The following PPP1R7 variants were observed in gnomAD, a reference collection of about 807,000 sequenced individuals.
PPP1R7 encodes protein phosphatase 1 regulatory subunit 7.
PPP1R7 carries 18 observed loss-of-function variants against 45.2 expected under a neutral mutation model. The ratio of observed to expected loss-of-function variants is 0.40; its 90% confidence interval spans 0.28 to 0.59. PPP1R7 has a LOEUF of 0.59. Ranked by LOEUF, PPP1R7 falls within the 20% of genes least tolerant of loss-of-function variation. PPP1R7 has a pLI of 0.46. For synonymous variants in PPP1R7, 181 were observed against 183.4 expected (o/e 0.99, Z 0.11); for missense variants, 314 against 455.8 (o/e 0.69, Z 2.83).
At chr2:241,168,828 G>A (rs1364167750) in intron 8 of PPP1R7, among the ~76,000 whole-genome samples, 1 of 152,178 alleles carries the variant, frequency 6.6e-6, no homozygotes, top group Non-Finnish European at 1.5e-5. Flanking sequence ...ACATTTCAGG[G>A]GAGATGGGGG....
intron 9 of PPP1R7, among the ~76,000 whole-genome samples, 176 bp downstream of exon 9, chr2:241,170,043 C>G (rs1172640632): frequency 6.6e-6 from 1 of 152,178 alleles, no homozygotes; most frequent in East Asian, 1.9e-4. Flanking sequence ...TGTCTGTGCT[C>G]CTCAGCGTGA....
At chr2:241,151,330 AGTCACTGCCTTAT>A (rs2067296244) in intron 1 of PPP1R7, 1 of 405,654 alleles carries the variant, frequency 2.5e-6, no homozygotes, top group Non-Finnish European at 5.2e-6. Flanking sequence ...CCAGAAGAGC[AGTCACTGCCTTAT>A]GTGAAAGGGG....
Position 241,150,526 on chromosome 2 carries a change from C to A in PPP1R7, c.31C>A (p.Gln11Lys). 6.3e-7 allele frequency: 1 copy of A among 1,598,900 alleles called. No homozygotes were observed. Among genetic ancestry groups the A allele is most frequent in the Non-Finnish European group, 8.5e-7 (1 of 1,174,156 alleles). The change falls in exon 1 of 10, where the codon CAG becomes AAG. Residue 11 changes from glutamine (Q) to lysine (K), a missense_variant. Gln to Lys is a moderately conservative substitution (Grantham distance 53, BLOSUM62 1). Transcript: ENST00000234038. MAAERGAGQQ[Q>K]SQEMMEVDRR... ...GGCGGAACGCGGCGCGGGGCAGCAA[C>A]AGTCGCAGGAGATGATGGAGGGTGA...
intron 7 of PPP1R7, among the ~76,000 whole-genome samples, chr2:241,165,819 G>A (rs2067692965): frequency 1.3e-5 from 2 of 148,946 alleles, no homozygotes. Context: ...GGATGGTCTC[G>A]ATCTCATAAC....
chr2:241,158,500 A>G lies in PPP1R7; in HGVS notation c.254A>G (p.His85Arg), dbSNP rs1455430667. ...DRDAEDVDLN[H>R]YRIGKIEGFE... ...TTGTTTCAGGATGTTGATTTGAATC[A>G]CTATCGCATAGGGAAGATTGAAGGA... is the stretch of plus-strand genomic sequence containing the variant. Residue 85 changes from histidine (H) to arginine (R), a missense_variant, in exon 4 of 10, where the codon CAC becomes CGC. By Grantham distance (29) the His-to-Arg change is conservative (BLOSUM62 0). This residue lies in a region of PPP1R7 where 112 missense variants were observed against 144.5 expected (regional missense o/e 0.78). Transcript: ENST00000234038. 2 of 1,613,992 alleles carry G rather than the reference A, an allele frequency of 1.2e-6. No individual in the cohort carries two copies. Among genetic ancestry groups the G allele is most frequent in the Non-Finnish European group, 1.7e-6 (2 of 1,179,940 alleles).
intron 1 of PPP1R7, among the ~76,000 whole-genome samples, chr2:241,153,082 G>A (rs2067360552): frequency 6.6e-6 from 1 of 152,216 alleles, no homozygotes; most frequent in Non-Finnish European, 1.5e-5. Flanking sequence ...CATGGATGGA[G>A]GTATGTGGCA....
At chr2:241,150,717 C>A (rs373787618) in intron 1 of PPP1R7, among the ~76,000 whole-genome samples, 170 bp downstream of exon 1, 1 of 151,992 alleles carries the variant, frequency 6.6e-6, no homozygotes, top group Non-Finnish European at 1.5e-5. Context: ...CGCTGGACCT[C>A]GGGGGAGCCC....
intron 6 of PPP1R7, among the ~76,000 whole-genome samples, chr2:241,162,693 T>TC (rs1436323726): frequency 6.6e-6 from 1 of 151,288 alleles, no homozygotes; most frequent in African/African-American, 2.4e-5. Flanking sequence ...CTTTTTTTTT[T>TC]TTTTTTTGAG....
chr2:241,183,179 C>T lies in PPP1R7; in HGVS notation c.*356C>T, dbSNP rs541314041. ...ACAGGGCCTGAGAGTGCTTTACAGG[C>T]ATTCACGTGCTGTCCGAGTGGCATT... On this transcript the variant is annotated 3_prime_UTR_variant, in exon 10 of 10. Transcript: ENST00000234038. 55 of 387,968 alleles carry T rather than the reference C, an allele frequency of 1.4e-4. No individual in the cohort carries two copies. Among genetic ancestry groups the T allele is most frequent in the Non-Finnish European group, 2.4e-4 (47 of 199,948 alleles). 24.0% of individuals were successfully genotyped at this position (387,968 alleles called of 1,614,324 possible). A position where few individuals can be genotyped will look rare whatever the true frequency, so the allele number is the denominator to read the frequency against.
At chr2:241,149,648 T>C, upstream of PPP1R7, 4 of 1,541,114 alleles carry the variant, frequency 2.6e-6, no homozygotes, top group East Asian at 2.4e-5. Flanking sequence ...AAAGGAATAA[T>C]GGGCGCCTCC....
In PPP1R7 at chr2:241,159,495, T is replaced by C. The variant is rs144746812; in HGVS notation, c.434+152T>C. On this transcript the variant is annotated intron_variant, in intron 5 of 9. Coordinates refer to ENST00000234038, the MANE Select transcript of PPP1R7 (RefSeq NM_002712.3). Reference sequence around the variant, plus strand: ...GCCCTGCATCTGAATCCCAAGTCTCTGCCTCCTGTTTTCAGGGCTCCAGGA... The same window carrying C: ...GCCCTGCATCTGAATCCCAAGTCTCCGCCTCCTGTTTTCAGGGCTCCAGGA... 5.0e-4 allele frequency: 515 copies of C among 1,035,060 alleles called. 1 individual carries two copies. The African/African-American group carries it at 7.8e-3, about 16-fold the overall frequency. 64.1% of individuals were successfully genotyped at this position (1,035,060 alleles called of 1,614,324 possible).
At chr2:241,150,358 G>A, upstream of PPP1R7, 2 of 1,348,716 alleles carry the variant, frequency 1.5e-6, no homozygotes, top group Non-Finnish European at 9.6e-7. Flanking sequence ...CTCCCATGAG[G>A]CGCTGGGCCC....
At position 241,153,528 on chromosome 2, in the gene PPP1R7, C is replaced by G. The variant is rs1485596442; in HGVS notation, c.105C>G (p.His35Gln). 1.2e-6 allele frequency: 2 copies of G among 1,614,224 alleles called. No homozygotes were observed. Among genetic ancestry groups the G allele is most frequent in the South Asian group, 2.2e-5 (2 of 91,088 alleles). Residue 35 changes from histidine to glutamine, a missense_variant, in exon 2 of 10, where the codon CAC (histidine) becomes CAG (glutamine). By Grantham distance (24) the His-to-Gln change is conservative. Coordinates refer to ENST00000234038, the MANE Select transcript of PPP1R7 (RefSeq NM_002712.3). ...CCGGCGATGAAGAAGGGAAGAAACACAGCAGTGGCATCGTGGCCGACCTCA... is the reference window on the plus strand; with the variant it reads ...CCGGCGATGAAGAAGGGAAGAAACAGAGCAGTGGCATCGTGGCCGACCTCA... ...EESGDEEGKK[H>Q]SSGIVADLSE...
intron 5 of PPP1R7, 33 bp from the exon 6 acceptor site, chr2:241,160,299 A>T (rs754031688): frequency 2.6e-6 from 4 of 1,560,812 alleles, no homozygotes; most frequent in South Asian, 2.4e-5. Context: ...TGCTCGTGAA[A>T]TTTTTTTAAA....
At chr2:241,173,323 G>T (rs1014228879) in intron 9 of PPP1R7, among the ~76,000 whole-genome samples, 6 of 148,786 alleles carry the variant, frequency 4.0e-5, no homozygotes, top group African/African-American at 1.3e-4. Context: ...TGCCCAGACT[G>T]GTCTCGAACT....
intron 9 of PPP1R7, among the ~76,000 whole-genome samples, chr2:241,171,004 A>G (rs1384317035): frequency 1.3e-5 from 2 of 152,292 alleles, no homozygotes; most frequent in Admixed American, 1.3e-4. Context: ...GAACAACACA[A>G]AGAAACCAAA....
chr2:241,168,820 A>T (rs2268897), intron 8 of PPP1R7, among the ~76,000 whole-genome samples: 1 of 152,126 alleles, frequency 6.6e-6, no homozygotes, highest in South Asian at 2.1e-4. Context: ...GGCTGGGTAC[A>T]TTTCAGGGGA....
intron 9 of PPP1R7, among the ~76,000 whole-genome samples, chr2:241,178,458 C>CTTTTT (rs71049557): frequency 8.0e-6 from 1 of 124,598 alleles, no homozygotes; most frequent in African/African-American, 3.0e-5. Context: ...TGGTCTTCAG[C>CTTTTT]TTTTTTTTTT....
upstream of PPP1R7, chr2:241,150,137 C>G (rs1047097772): frequency 7.9e-6 from 10 of 1,273,562 alleles, no homozygotes; most frequent in African/African-American, 3.1e-5. Flanking sequence ...GAGGTCGAGA[C>G]AGTGACATAA....
Sources: gnomAD v4.1 joint callset for allele counts (sites outside exome capture counted in the v4.1 genomes callset) on GRCh38, gnomAD v4.1.1 for gene constraint, gnomAD v4.1.1 regional missense constraint, MANE v1.5 for transcripts, NCBI Gene and HGNC (gene_info 2026-07-23, HGNC 2026-07-21) for gene names.